The following KIF16B variants were observed in gnomAD, a reference collection of about 807,000 sequenced individuals.
KIF16B encodes kinesin family member 16B.
In KIF16B, 98 loss-of-function variants were observed where a neutral mutation model predicts 156.3. That is an observed-to-expected ratio of 0.63 (90% CI 0.53 to 0.74). The LOEUF (loss-of-function observed/expected upper bound fraction) is 0.74, where lower values mean the gene tolerates loss of function less well. KIF16B is among the 30% of genes least tolerant of loss of function. KIF16B has a pLI of 0.00. For missense variants in KIF16B, 1,421 were observed against 1,606.5 expected (o/e 0.88, Z 1.97); for synonymous variants, 564 against 583.7 (o/e 0.97, Z 0.49).
At chr20:16,300,174 A>G (rs1161635738) in intron 25 of KIF16B, among the ~76,000 whole-genome samples, 2 of 152,200 alleles carry the variant, frequency 1.3e-5, no homozygotes, top group Non-Finnish European at 2.9e-5. Context: ...TAATTTTCAG[A>G]CTTGGGAAGG....
At chr20:16,328,893 T>A (rs1167429092) in intron 24 of KIF16B, among the ~76,000 whole-genome samples, 1 of 152,116 alleles carries the variant, frequency 6.6e-6, no homozygotes, top group Non-Finnish European at 1.5e-5. Flanking sequence ...AAAGGCCCCA[T>A]CTCTTAATAC....
At chr20:16,468,684 C>T (rs1312427352) in intron 12 of KIF16B, among the ~76,000 whole-genome samples, 3 of 149,246 alleles carry the variant, frequency 2.0e-5, no homozygotes, top group Non-Finnish European at 3.0e-5. Context: ...AGTAAATATA[C>T]GTGAGGTAAA....
chr20:16,352,171 C>T (rs534217073), intron 23 of KIF16B, among the ~76,000 whole-genome samples: 1 of 152,174 alleles, frequency 6.6e-6, no homozygotes, highest in South Asian at 2.1e-4. Context: ...TGCAAAGTTC[C>T]AAGTCCTGAC....
chr20:16,557,015 T>C (rs752046989), intron 1 of KIF16B, among the ~76,000 whole-genome samples: 5 of 152,048 alleles, frequency 3.3e-5, no homozygotes, highest in Non-Finnish European at 5.9e-5. Flanking sequence ...AATTGAGCTG[T>C]GCTGTAAGTA....
At chr20:16,372,751 G>A (rs888919157) in intron 20 of KIF16B, among the ~76,000 whole-genome samples, 1 of 152,178 alleles carries the variant, frequency 6.6e-6, no homozygotes. Flanking sequence ...AGCCTGGAGG[G>A]CTGTGGTATG....
At chr20:16,409,766 G>C (rs2065873420) in intron 15 of KIF16B, among the ~76,000 whole-genome samples, 1 of 151,528 alleles carries the variant, frequency 6.6e-6, no homozygotes, top group Admixed American at 6.6e-5. Flanking sequence ...ATCACTAGTT[G>C]AATGGGGAGT....
chr20:16,329,287 G>A (rs1448744768), intron 24 of KIF16B, among the ~76,000 whole-genome samples: 1 of 152,092 alleles, frequency 6.6e-6, no homozygotes, highest in Non-Finnish European at 1.5e-5. Context: ...TTGTGACCTG[G>A]ATCTATAATA....
chr20:16,402,284 A>G (rs1189324216), intron 17 of KIF16B, among the ~76,000 whole-genome samples: 1 of 152,134 alleles, frequency 6.6e-6, no homozygotes, highest in African/African-American at 2.4e-5. Context: ...ATTTGATTTC[A>G]TTTCATTTTC....
In KIF16B at chr20:16,374,327, C is replaced by T. The variant is rs759910088; in HGVS notation, c.3280G>A (p.Gly1094Arg). 3 of 1,606,476 alleles carry T rather than the reference C, an allele frequency of 1.9e-6. No homozygotes were observed. The highest frequency in any genetic ancestry group is 3.4e-5 in the Admixed American group (2 of 59,566). Residue 1094 changes from glycine to arginine, a missense_variant, in exon 20 of 26, where the codon GGG (glycine) becomes AGG (arginine). Transcript: ENST00000354981. Reference sequence around the variant, plus strand: ...GGCAAGCTGGAAGAAGCCACCTTCCCTTCCAGGGTCCCATGATGATCTTTT... The same window carrying T: ...GGCAAGCTGGAAGAAGCCACCTTCCTTTCCAGGGTCCCATGATGATCTTTT... ...VQKDHHGTLE[G>R]KVASSSLPVS...
At chr20:16,497,556 C>T (rs1009821913) in intron 11 of KIF16B, 57 bp downstream of exon 11, 59 of 1,336,024 alleles carry the variant, frequency 4.4e-5, no homozygotes, top group Non-Finnish European at 5.9e-5. Flanking sequence ...AAAAAGCATG[C>T]ACTTAAAATA....
intron 12 of KIF16B, among the ~76,000 whole-genome samples, chr20:16,447,107 A>C (rs1302424187): frequency 6.6e-6 from 1 of 152,124 alleles, no homozygotes; most frequent in East Asian, 1.9e-4. Context: ...TGCAAATAGG[A>C]AATGAGAAAA....
chr20:16,435,775 T>C (rs1302054708), intron 12 of KIF16B, among the ~76,000 whole-genome samples: 1 of 152,194 alleles, frequency 6.6e-6, no homozygotes, highest in Non-Finnish European at 1.5e-5. Flanking sequence ...TCTTAGTAAT[T>C]TGATTTTCAG....
intron 25 of KIF16B, among the ~76,000 whole-genome samples, chr20:16,289,580 G>A (rs1037847230): frequency 1.8e-4 from 27 of 152,142 alleles, no homozygotes; most frequent in African/African-American, 5.1e-4. Context: ...AAGGCCGGGC[G>A]CGGTGGCTCA....
intron 12 of KIF16B, among the ~76,000 whole-genome samples, chr20:16,465,481 A>T (rs1028541): frequency 0.57 from 87,349 of 152,028 alleles, 26,270 homozygotes; most frequent in African/African-American, 0.76. Context: ...CCCTGTGCTA[A>T]TCCTTATTTC....
intron 1 of KIF16B, among the ~76,000 whole-genome samples, chr20:16,554,165 A>G (rs1386113860): frequency 6.6e-6 from 1 of 152,140 alleles, no homozygotes; most frequent in African/African-American, 2.4e-5. Context: ...AAGCCTGCGG[A>G]CCAGGCTGCC....
intron 22 of KIF16B, among the ~76,000 whole-genome samples, chr20:16,363,900 TCTAA>T (rs1392402188): frequency 6.6e-6 from 1 of 152,224 alleles, no homozygotes; most frequent in East Asian, 1.9e-4. Context: ...CAATAGATAT[TCTAA>T]GGAATGAGGC....
At chr20:16,564,235 T>C (rs1362280652) in intron 1 of KIF16B, among the ~76,000 whole-genome samples, 1 of 152,168 alleles carries the variant, frequency 6.6e-6, no homozygotes, top group African/African-American at 2.4e-5. Flanking sequence ...GTTTCCAGCT[T>C]CACCCATGTC....
At chr20:16,559,288 A>G (rs1268601204) in intron 1 of KIF16B, among the ~76,000 whole-genome samples, 1 of 152,174 alleles carries the variant, frequency 6.6e-6, no homozygotes, top group African/African-American at 2.4e-5. Context: ...CAAATTGCCT[A>G]TCCATAGTCC....
chr20:16,463,555 AACACAC>A (rs199989582), intron 12 of KIF16B, among the ~76,000 whole-genome samples: 2 of 152,070 alleles, frequency 1.3e-5, no homozygotes. Flanking sequence ...TCTACACACA[AACACAC>A]ACACACGATA....
Sources: allele counts gnomAD v4.1 joint callset (sites outside exome capture counted in the v4.1 genomes callset), GRCh38; gene constraint gnomAD v4.1.1; transcripts MANE v1.5; gene names NCBI Gene and HGNC (gene_info 2026-07-23, HGNC 2026-07-21).